The following IGSF10 variants were observed in gnomAD, a reference collection of about 807,000 sequenced individuals.
IGSF10 encodes immunoglobulin superfamily member 10, also known as calvaria mechanical force protein 608.
IGSF10 carries 126 observed loss-of-function variants against 128.2 expected under a neutral mutation model. That is an observed-to-expected ratio of 0.98 (90% CI 0.85 to 1.14). The LOEUF (loss-of-function observed/expected upper bound fraction) is 1.14, where lower values mean the gene tolerates loss of function less well. Among genes scored for constraint, IGSF10 ranks in the 50% most tolerant of loss-of-function variants. The pLI, the probability that IGSF10 is intolerant of heterozygous loss-of-function variation, is 0.00. For missense variants in IGSF10, 3,295 were observed against 3,149.8 expected (o/e 1.05, Z -1.10); for synonymous variants, 1,185 against 1,146.2 (o/e 1.03, Z -0.68).
At chr3:151,524,790 A>G in the IGSF10 span, among the ~76,000 whole-genome samples, 1 of 151,988 alleles carries the variant, frequency 6.6e-6, no homozygotes, top group African/African-American at 2.4e-5. Flanking sequence ...AAAATACATA[A>G]ATAGATATTC....
chr3:151,484,954 G>A, the IGSF10 span, among the ~76,000 whole-genome samples: 1 of 152,136 alleles, frequency 6.6e-6, no homozygotes. Context: ...GAGAATGAGT[G>A]TGATGAATTG....
the IGSF10 span, among the ~76,000 whole-genome samples, chr3:151,539,739 C>A: frequency 1.3e-5 from 2 of 152,144 alleles, no homozygotes; most frequent in East Asian, 1.9e-4. Context: ...AGGCTGTAAT[C>A]CTTTCACCCA....
chr3:151,577,879 C>G, the IGSF10 span, among the ~76,000 whole-genome samples: 1 of 152,176 alleles, frequency 6.6e-6, no homozygotes, highest in East Asian at 1.9e-4. Context: ...AAGGAGACCA[C>G]CAGACAAGTG....
At position 151,446,235 on chromosome 3, in the gene IGSF10, G is replaced by T. The variant is rs777821866; in HGVS notation, c.3746C>A (p.Pro1249His). The T allele has an allele frequency of 2.5e-6, 4 of 1,613,852 alleles. No homozygotes were observed. Among genetic ancestry groups the T allele is most frequent in the Non-Finnish European group, 3.4e-6 (4 of 1,179,730 alleles). ...TGTTGAAAGTGTGGTGAAATGGAAA[G>T]GGGAGACTTTGTCTCTGGGTAAAGC... The part of the protein sequence containing the change: ...SPALPRDKVS[P>H]FHFTTLSTSV... The change falls in exon 6 of 8, where the codon CCT becomes CAT. Residue 1249 changes from proline (P) to histidine (H), a missense_variant. Pro to His is a moderately conservative substitution (Grantham distance 77). Coordinates refer to ENST00000282466, the MANE Select transcript of IGSF10 (RefSeq NM_178822.5).
the IGSF10 span, among the ~76,000 whole-genome samples, chr3:151,603,177 C>T: frequency 2.0e-5 from 3 of 152,188 alleles, no homozygotes; most frequent in African/African-American, 7.2e-5. Flanking sequence ...ACTCTTCTCA[C>T]CAGTCCTAAG....
At chr3:151,528,814 TTTTC>T in the IGSF10 span, among the ~76,000 whole-genome samples, 3 of 150,208 alleles carry the variant, frequency 2.0e-5, no homozygotes. Context: ...TTTTTTTTTT[TTTTC>T]ATACCCCAGT....
the IGSF10 span, among the ~76,000 whole-genome samples, chr3:151,611,547 T>C: frequency 6.6e-6 from 1 of 152,172 alleles, no homozygotes; most frequent in African/African-American, 2.4e-5. Context: ...AATAATGTCT[T>C]TCGGAATTTC....
chr3:151,515,081 C>G, the IGSF10 span, among the ~76,000 whole-genome samples: 1 of 152,086 alleles, frequency 6.6e-6, no homozygotes, highest in Admixed American at 6.6e-5. Flanking sequence ...GGATCTAGAA[C>G]TAGAAATACC....
chr3:151,613,976 C>G, the IGSF10 span, among the ~76,000 whole-genome samples: 1 of 151,924 alleles, frequency 6.6e-6, no homozygotes, highest in African/African-American at 2.4e-5. Context: ...AACAAATTTA[C>G]AAGAAAAAAC....
the IGSF10 span, among the ~76,000 whole-genome samples, chr3:151,524,817 A>G: frequency 6.6e-6 from 1 of 152,076 alleles, no homozygotes; most frequent in African/African-American, 2.4e-5. Flanking sequence ...TTGATTTGAG[A>G]CATGTAATAA....
the IGSF10 span, among the ~76,000 whole-genome samples, chr3:151,586,781 A>G: frequency 6.6e-6 from 1 of 152,178 alleles, no homozygotes; most frequent in Non-Finnish European, 1.5e-5. Context: ...GTGAAATAAA[A>G]GGTGTCCTTG....
the IGSF10 span, among the ~76,000 whole-genome samples, chr3:151,488,705 C>A: frequency 6.6e-6 from 1 of 152,036 alleles, no homozygotes; most frequent in Non-Finnish European, 1.5e-5. Flanking sequence ...ACAAACCTGA[C>A]AAAAACAAGC....
At chr3:151,610,654 T>C in the IGSF10 span, among the ~76,000 whole-genome samples, 4 of 152,196 alleles carry the variant, frequency 2.6e-5, no homozygotes, top group Admixed American at 2.6e-4. Flanking sequence ...TTCCTGCTGA[T>C]GCAATGAAAT....
the IGSF10 span, among the ~76,000 whole-genome samples, chr3:151,551,501 G>GA: frequency 0.49 from 74,574 of 151,682 alleles, 18,526 homozygotes; most frequent in South Asian, 0.59. Flanking sequence ...AAAAAAGAAA[G>GA]AAAAAATCCA....
rs747336028 is a variant in IGSF10, at chr3:151,449,008, C to T, written c.973G>A (p.Gly325Arg). The T allele has an allele frequency of 5.6e-6, 9 of 1,614,068 alleles. No individual in the cohort carries two copies. In the Admixed American group the frequency reaches 1.5e-4, roughly 27 times the overall value. Residue 325 changes from glycine to arginine, a missense_variant, in exon 6 of 8, where the codon GGA becomes AGA. Transcript: ENST00000282466. The stretch of plus-strand genomic sequence containing the variant: ...CTGCAGACCATGTTAGCTTCATTTC[C>T]AGACTGATCTGTCATATTCAAAGTG... Reference protein sequence around the residue: ...SLTLNMTDQSGNEANMVCSIQ... With the variant: ...SLTLNMTDQSRNEANMVCSIQ...
chr3:151,570,403 C>T, the IGSF10 span, among the ~76,000 whole-genome samples: 1 of 152,170 alleles, frequency 6.6e-6, no homozygotes, highest in African/African-American at 2.4e-5. Flanking sequence ...CCTGTTGTTT[C>T]CTGTCTTTTT....
At chr3:151,511,749 A>C in the IGSF10 span, among the ~76,000 whole-genome samples, 1 of 152,218 alleles carries the variant, frequency 6.6e-6, no homozygotes, top group Non-Finnish European at 1.5e-5. Context: ...CACATGCTCA[A>C]AATAAAGGGA....
chr3:151,453,329 C>A, intron 5 of IGSF10, 55 bp downstream of exon 5: 1 of 1,413,224 alleles, frequency 7.1e-7, no homozygotes, highest in Non-Finnish European at 9.6e-7. Flanking sequence ...AATATAATAC[C>A]TCCAAGCAGA....
chr3:151,501,502 T>A, the IGSF10 span, among the ~76,000 whole-genome samples: 1 of 152,056 alleles, frequency 6.6e-6, no homozygotes, highest in African/African-American at 2.4e-5. Flanking sequence ...CATTCAAGGA[T>A]CTATTCAAGT....
Sources: gnomAD v4.1 joint callset for allele counts (sites outside exome capture counted in the v4.1 genomes callset) on GRCh38, gnomAD v4.1.1 for gene constraint, MANE v1.5 for transcripts, NCBI Gene and HGNC (gene_info 2026-07-23, HGNC 2026-07-21) for gene names.